NOD1: variants seen among roughly 807,000 people sequenced by gnomAD.
NOD1 encodes nucleotide-binding oligomerization domain-containing protein 1.
Under a neutral mutation model 81.2 loss-of-function variants are expected in NOD1, and 70 were observed. That is an observed-to-expected ratio of 0.86 (90% CI 0.71 to 1.05). The LOEUF (loss-of-function observed/expected upper bound fraction) is 1.05. Among genes scored for constraint, NOD1 ranks in the 50% least tolerant of loss-of-function variants. The pLI, the probability that NOD1 is intolerant of heterozygous loss-of-function variation, is 0.00. For missense variants in NOD1, 1,233 were observed against 1,228.0 expected (o/e 1.00, Z -0.06); for synonymous variants, 508 against 526.9 (o/e 0.96, Z 0.49).
Position 30,425,359 on chromosome 7 carries a change from AATAATT to A in NOD1, c.*273_*278del. On this transcript the variant is annotated 3_prime_UTR_variant, in exon 14 of 14. Transcript: ENST00000222823. ...CTTTATTCCTCTAGCTTCAGATAAA[AATAATT>A]ATAATAGGCAATAAAGTCTCTTCAC... 3 of 389,348 alleles carry A rather than the reference AATAATT, an allele frequency of 7.7e-6. No individual in the cohort carries two copies. Among genetic ancestry groups the A allele is most frequent in the Non-Finnish European group, 1.4e-5 (3 of 214,714 alleles). 24.1% of individuals were successfully genotyped at this position (389,348 alleles called of 1,614,324 possible). A position where few individuals can be genotyped will look rare whatever the true frequency, so the allele number is the denominator to read the frequency against.
rs1389685270 is a variant in NOD1 at position 30,448,497 on chromosome 7, C to T, written c.2202-116G>A. On this transcript the variant is annotated intron_variant, in intron 6 of 13. Coordinates refer to ENST00000222823, the MANE Select transcript of NOD1 (RefSeq NM_006092.4). ...CCTGGAGTTTTCTCAGGTATAGACG[C>T]CCCTGGAGAATGGCCACAGCAATCA... is the stretch of plus-strand genomic sequence containing the variant. The T allele has an allele frequency of 8.1e-6, 7 of 861,410 alleles. No individual in the cohort carries two copies. The South Asian group carries it at 1.0e-4, about 13-fold the overall frequency. 53.4% of individuals were successfully genotyped at this position (861,410 alleles called of 1,614,324 possible). A position where few individuals can be genotyped will look rare whatever the true frequency, so the allele number is the denominator to read the frequency against.
intron 1 of NOD1, among the ~76,000 whole-genome samples, chr7:30,468,177 T>C (rs753562898): frequency 2.0e-5 from 3 of 152,316 alleles, no homozygotes; most frequent in South Asian, 4.1e-4. Context: ...CCACAAGAAA[T>C]ACCATATTGA....
intron 1 of NOD1, chr7:30,475,986 T>C (rs957574561): frequency 1.3e-5 from 2 of 152,172 alleles, no homozygotes; most frequent in African/African-American, 4.8e-5. Flanking sequence ...CAACTGACTG[T>C]CCCTAGAAGA....
At chr7:30,459,070 T>TA (rs1786723266) in intron 3 of NOD1, 82 bp downstream of exon 3, 1 of 152,550 alleles carries the variant, frequency 6.6e-6, no homozygotes, top group Non-Finnish European at 1.5e-5. Flanking sequence ...TGACCCACTT[T>TA]AGGATCCTTA....
chr7:30,465,744 CA>C (rs1787629720), intron 1 of NOD1, among the ~76,000 whole-genome samples: 1 of 152,078 alleles, frequency 6.6e-6, no homozygotes, highest in Non-Finnish European at 1.5e-5. Flanking sequence ...AGATTCCTAA[CA>C]GATCTAAGCC....
chr7:30,432,952 T>C, intron 12 of NOD1, 144 bp downstream of exon 12: 1 of 644,562 alleles, frequency 1.6e-6, no homozygotes, highest in Non-Finnish European at 2.7e-6. Context: ...AGTGAAAATG[T>C]TCTAGAATTA....
chr7:30,453,572 C>G (rs138921755), intron 5 of NOD1, among the ~76,000 whole-genome samples: 40 of 152,264 alleles, frequency 2.6e-4, no homozygotes, highest in African/African-American at 7.2e-4. Context: ...GCATATGCCA[C>G]CAAGCCCAAC....
Position 30,452,902 on chromosome 7 carries a change from T to C in NOD1, c.515A>G (p.Glu172Gly). ...TIMELVGFSN[E>G]SLGSLNSLAC... ...CAGGCTGTTCAGGCTGCCCAGGCTCTCATTGCTGAAGCCAACCAGCTCCAT... is the reference window on the plus strand; with the variant it reads ...CAGGCTGTTCAGGCTGCCCAGGCTCCCATTGCTGAAGCCAACCAGCTCCAT... The change falls in exon 6 of 14, where the codon GAG (glutamate) becomes GGG (glycine). Residue 172 changes from glutamate (E) to glycine (G), a missense_variant. Transcript: ENST00000222823. 1 of 1,614,002 alleles carries C rather than the reference T, an allele frequency of 6.2e-7. No individual in the cohort carries two copies. Among genetic ancestry groups the C allele is most frequent in the Non-Finnish European group, 8.5e-7 (1 of 1,180,016 alleles).
intron 1 of NOD1, among the ~76,000 whole-genome samples, chr7:30,477,845 G>A (rs1436570572): frequency 6.6e-6 from 1 of 150,876 alleles, no homozygotes; most frequent in South Asian, 2.1e-4. Flanking sequence ...AAAGCAGAAA[G>A]GCCAGAAGTC....
At chr7:30,455,443 G>T in intron 4 of NOD1, 132 bp from the exon 5 acceptor site, 1 of 646,494 alleles carries the variant, frequency 1.5e-6, no homozygotes, top group Non-Finnish European at 2.6e-6. Context: ...CCCCCCAGCT[G>T]CTGTGACAGT....
At chr7:30,436,486 C>T (rs922622691) in intron 10 of NOD1, among the ~76,000 whole-genome samples, 12 of 152,214 alleles carry the variant, frequency 7.9e-5, no homozygotes, top group African/African-American at 2.7e-4. Context: ...GACTCTTTTT[C>T]AGTGGTAGGA....
At chr7:30,470,781 G>T (rs1024071987) in intron 1 of NOD1, among the ~76,000 whole-genome samples, 18 of 152,234 alleles carry the variant, frequency 1.2e-4, no homozygotes, top group African/African-American at 4.3e-4. Flanking sequence ...TCTCTGAGGG[G>T]CCAGTGAATA....
intron 1 of NOD1, among the ~76,000 whole-genome samples, chr7:30,461,082 A>T (rs951821757): frequency 1.3e-5 from 2 of 152,254 alleles, no homozygotes; most frequent in Non-Finnish European, 2.9e-5. Flanking sequence ...CCACACTAAT[A>T]AAAGTAAAAA....
intron 9 of NOD1, among the ~76,000 whole-genome samples, chr7:30,445,708 G>A (rs1487297161): frequency 4.4e-5 from 6 of 136,240 alleles, no homozygotes; most frequent in African/African-American, 8.6e-5. Flanking sequence ...GCAGTGAGCC[G>A]AGATCATGCC....
intron 1 of NOD1, among the ~76,000 whole-genome samples, chr7:30,463,056 G>A (rs1787298442): frequency 6.6e-6 from 1 of 151,918 alleles, no homozygotes; most frequent in Non-Finnish European, 1.5e-5. Flanking sequence ...GGGAGAAATT[G>A]ACTGCAAAGA....
intron 5 of NOD1, 95 bp from the exon 6 acceptor site, chr7:30,453,135 A>C: frequency 7.2e-7 from 1 of 1,387,906 alleles, no homozygotes; most frequent in African/African-American, 1.4e-5. Flanking sequence ...AGGCGAGTGC[A>C]TAAACAAAAT....
In NOD1 at chr7:30,425,634, CCT is replaced by C; in HGVS notation, c.*2_*3del. 6.2e-7 allele frequency: 1 copy of C among 1,610,932 alleles called. No homozygotes were observed. Among genetic ancestry groups the C allele is most frequent in the Non-Finnish European group, 8.5e-7 (1 of 1,177,028 alleles). ...AAAAACCCCATGAACAGGAAAGCAT[CCT>C]CTCAGAAACAGATAATCCGCTTCTC... On this transcript the variant is annotated 3_prime_UTR_variant, in exon 14 of 14. Coordinates refer to ENST00000222823, the MANE Select transcript of NOD1 (RefSeq NM_006092.4).
chr7:30,428,435 C>G (rs1329290782), intron 13 of NOD1: 1 of 152,116 alleles, frequency 6.6e-6, no homozygotes, highest in East Asian at 1.9e-4. Flanking sequence ...TGTGAACCAA[C>G]ACTTATGCAA....
chr7:30,448,282 C>T lies in NOD1; in HGVS notation c.2285+16G>A. The T allele has an allele frequency of 6.2e-7, 1 of 1,601,554 alleles. No homozygotes were observed. Among genetic ancestry groups the T allele is most frequent in the Non-Finnish European group, 8.6e-7 (1 of 1,168,558 alleles). On this transcript the variant is annotated intron_variant, in intron 7 of 13. Transcript: ENST00000222823. ...ATTACTAGGTAGTTGGCCCAGTGTT[C>T]TGGAGAAAGACATACCCCAAATAGG...
Sources: gnomAD v4.1 joint callset for allele counts (sites outside exome capture counted in the v4.1 genomes callset) on GRCh38, gnomAD v4.1.1 for gene constraint, MANE v1.5 for transcripts, NCBI Gene and HGNC (gene_info 2026-07-23, HGNC 2026-07-21) for gene names.